Variants in COL11A1 observed in about 807,000 individuals in gnomAD.
COL11A1 encodes the protein collagen type XI alpha 1 chain.
In COL11A1, 74 loss-of-function variants were observed where a neutral mutation model predicts 265.2. The ratio of observed to expected loss-of-function variants is 0.28; its 90% CI spans 0.23 to 0.34. COL11A1 has a LOEUF of 0.34. COL11A1 is among the 10% of genes least tolerant of loss of function. The pLI is 1.00. For synonymous variants in COL11A1, 816 were observed against 727.6 expected, an observed-to-expected ratio of 1.12 and a Z score of -1.96; for missense variants, 2,165 against 2,263.6, an observed-to-expected ratio of 0.96 and a Z score of 0.88.
chr1:103,081,383 A>C (rs1672400497), intron 2 of COL11A1, among the ~76,000 whole-genome samples: 1 of 151,912 alleles, frequency 6.6e-6, no homozygotes, highest in Non-Finnish European at 1.5e-5. Flanking sequence ...AATGCAGCAG[A>C]GTGCACATAA....
At chr1:103,008,650 A>T in intron 14 of COL11A1, 134 bp from the exon 15 acceptor site, 1 of 813,360 alleles carries the variant, frequency 1.2e-6, no homozygotes. Context: ...TTATTAATTA[A>T]CACAGTAAAA....
intron 31 of COL11A1, among the ~76,000 whole-genome samples, chr1:102,982,037 G>T (rs28702956): frequency 6.6e-6 from 1 of 151,714 alleles, no homozygotes; most frequent in African/African-American, 2.4e-5. Flanking sequence ...CTTTCATTTT[G>T]GATGTCCCAG....
At chr1:102,968,167 A>G (rs184597586) in intron 37 of COL11A1, among the ~76,000 whole-genome samples, 1 of 152,366 alleles carries the variant, frequency 6.6e-6, no homozygotes, top group East Asian at 1.9e-4. Context: ...TAATAAGACT[A>G]CACTTGCCAC....
rs2101308769 is a variant in COL11A1 at position 102,940,573 on chromosome 1, TC to T, written c.3277-140del. On this transcript the variant is annotated intron_variant, in intron 42 of 66. Coordinates refer to ENST00000370096, the MANE Select transcript of COL11A1 (RefSeq NM_001854.4). ...ATTTTAAAGAATAAATGATACATGT[TC>T]CCTACCTTCATTTGTGACTAAGAAT... 4 of 659,856 alleles carry T rather than the reference TC, an allele frequency of 6.1e-6. No individual in the cohort carries two copies. The East Asian group carries it at 8.2e-5, about 14-fold the overall frequency. The allele number at this position is 659,856 out of a possible 1,614,324, so 40.9% of individuals were successfully genotyped here. A position where few individuals can be genotyped will look rare whatever the true frequency, so the allele number is the denominator to read the frequency against.
At chr1:103,070,405 C>T (rs766899900) in intron 4 of COL11A1, among the ~76,000 whole-genome samples, 70 of 151,128 alleles carry the variant, frequency 4.6e-4, no homozygotes, top group Non-Finnish European at 7.1e-4. Context: ...CAACATAATT[C>T]GACATACTAT....
intron 36 of COL11A1, among the ~76,000 whole-genome samples, chr1:102,974,437 G>A (rs1429066248): frequency 6.6e-6 from 1 of 152,006 alleles, no homozygotes; most frequent in Non-Finnish European, 1.5e-5. Flanking sequence ...TCACAATGTT[G>A]GAGGGATTTA....
chr1:102,906,998 A>C (rs2100985258), intron 54 of COL11A1, among the ~76,000 whole-genome samples: 1 of 152,272 alleles, frequency 6.6e-6, no homozygotes, highest in African/African-American at 2.4e-5. Flanking sequence ...CCTAATATAG[A>C]AAACAATTTA....
intron 28 of COL11A1, among the ~76,000 whole-genome samples, chr1:102,992,401 G>T (rs35613209): frequency 0.022 from 3,312 of 152,090 alleles, 58 homozygotes; most frequent in Middle Eastern, 0.092. Context: ...AAAAAAGAGA[G>T]AATTTTAGTC....
rs1262872593 is a variant in COL11A1, at chr1:103,025,575, T to A, written c.936A>T (p.Gly312=). Residue 312 remains glycine, a synonymous_variant, in exon 7 of 67, where the codon GGA becomes GGT. Coordinates refer to ENST00000370096, the MANE Select transcript of COL11A1 (RefSeq NM_001854.4). The stretch of plus-strand genomic sequence containing the variant: ...CTTCTGTCTGGTAACTTTCCATTGT[T>A]CCATAGTTGTATTCTTGAAAATCAT... ...IVDDFQEYNY[G]TMESYQTEAP... is the part of the protein sequence containing the mutation. The A allele has an allele frequency of 6.2e-7, 1 of 1,613,690 alleles. No individual in the cohort carries two copies. The highest frequency in any genetic ancestry group is 1.3e-5 in the African/African-American group (1 of 74,930).
In COL11A1 at chr1:102,992,972, T is replaced by C. The variant is rs189840790; in HGVS notation, c.2340+2892A>G. ...TCCTATGTACAAAAAATGTATCTTA[T>C]TTTTTTTTCCTGTATGGCTTTGTCC... On this transcript the variant is annotated intron_variant, in intron 28 of 66. Transcript: ENST00000370096. Among the ~76,000 whole-genome samples, 416 of 147,812 alleles carry C rather than the reference T, an allele frequency of 2.8e-3. 5 individuals carry two copies. Among genetic ancestry groups the C allele is most frequent in the African/African-American group, 0.01 (389 of 37,952 alleles).
chr1:103,009,138 G>C (rs1160360102), intron 14 of COL11A1, among the ~76,000 whole-genome samples: 1 of 152,172 alleles, frequency 6.6e-6, no homozygotes, highest in Non-Finnish European at 1.5e-5. Flanking sequence ...AGGTGACCAG[G>C]CATGGTGGCT....
rs144729226 is a variant in COL11A1, at chr1:102,915,658, T to C, written c.3789A>G (p.Pro1263=). 2.5e-4 allele frequency: 402 copies of C among 1,613,216 alleles called. No homozygotes were observed. In the African/African-American group the frequency reaches 4.7e-3, roughly 19 times the overall value. The change falls in exon 50 of 67, where the codon CCA becomes CCG. Residue 1263 remains proline, a synonymous_variant. Transcript: ENST00000370096. The part of the protein sequence containing the change: ...EKGEPGEAGN[P]GPPGEAGVGG... Reference sequence around the variant, plus strand: ...CTACACCTGCTTCCCCAGGAGGCCCTGGGTTCCCTGCTTCTCCAGGTTCAC... The same window carrying C: ...CTACACCTGCTTCCCCAGGAGGCCCCGGGTTCCCTGCTTCTCCAGGTTCAC...
intron 4 of COL11A1, among the ~76,000 whole-genome samples, chr1:103,038,333 C>T (rs1157401249): frequency 1.3e-5 from 2 of 151,894 alleles, no homozygotes; most frequent in African/African-American, 2.4e-5. Flanking sequence ...GGCATGGTGG[C>T]GCATGCTTGT....
chr1:102,945,276 C>CTT (rs1350681057), intron 42 of COL11A1, among the ~76,000 whole-genome samples: 3 of 149,258 alleles, frequency 2.0e-5, no homozygotes, highest in African/African-American at 4.9e-5. Context: ...CTCTCTCTCT[C>CTT]TCTCTCTCTC....
Position 102,911,082 on chromosome 1 carries a change from A to G in COL11A1, c.4086+1077T>C, listed in dbSNP as rs572814899. 1.8e-4 allele frequency among the ~76,000 whole-genome samples: 27 copies of G among 152,270 alleles called. 1 individual carries two copies. Among genetic ancestry groups the G allele is most frequent in the Non-Finnish European group, 8.8e-5 (6 of 68,006 alleles). On this transcript the variant is annotated intron_variant, in intron 54 of 66. Transcript: ENST00000370096. ...ACTTTCCAATTACTTTCTAAGAATAATAGTCCCATGGTTGTTTGGGGATAA... is the reference window on the plus strand; with the variant it reads ...ACTTTCCAATTACTTTCTAAGAATAGTAGTCCCATGGTTGTTTGGGGATAA...
Position 102,946,839 on chromosome 1 carries a change from C to CATT in COL11A1, c.3276+7_3276+9dup. 1 of 1,603,428 alleles carries CATT rather than the reference C, an allele frequency of 6.2e-7. No homozygotes were observed. The highest frequency in any genetic ancestry group is 8.5e-7 in the Non-Finnish European group (1 of 1,171,060). ...GCAGCATAATATATTTTCTCCTAGA[C>CATT]ATTACTTACAGGAGCACCTTTCTCT... On this transcript the variant is annotated intron_variant, in intron 42 of 66. Transcript: ENST00000370096.
In COL11A1 at chr1:102,889,443, A is replaced by G; in HGVS notation, c.4464+12T>C. On this transcript the variant is annotated intron_variant, in intron 59 of 66. Transcript: ENST00000370096. Reference sequence around the variant, plus strand: ...GAAATGAGTAGAAAAAATAACCTATATTTTTACTCACCCCATCCCCTTTTG... The same window carrying G: ...GAAATGAGTAGAAAAAATAACCTATGTTTTTACTCACCCCATCCCCTTTTG... 1 of 1,598,192 alleles carries G rather than the reference A, an allele frequency of 6.3e-7. No individual in the cohort carries two copies. The highest frequency in any genetic ancestry group is 8.6e-7 in the Non-Finnish European group (1 of 1,166,856).
chr1:103,071,273 G>T (rs978194613), intron 4 of COL11A1, among the ~76,000 whole-genome samples: 1 of 151,766 alleles, frequency 6.6e-6, no homozygotes, highest in Non-Finnish European at 1.5e-5. Context: ...CAGAAATAAT[G>T]ATGTTTTGAA....
intron 4 of COL11A1, among the ~76,000 whole-genome samples, chr1:103,047,891 A>G (rs571012391): frequency 1.3e-5 from 2 of 152,218 alleles, no homozygotes; most frequent in African/African-American, 4.8e-5. Context: ...TTCTGTTTAT[A>G]TGCTGGATTA....
Sources: allele counts gnomAD v4.1 joint callset (sites outside exome capture counted in the v4.1 genomes callset), GRCh38; gene constraint gnomAD v4.1.1; transcripts MANE v1.5; gene names NCBI Gene and HGNC (gene_info 2026-07-23, HGNC 2026-07-21).